The following SIRT3 variants were observed in gnomAD, a reference collection of about 807,000 sequenced individuals.
SIRT3 encodes NAD-dependent protein deacetylase sirtuin-3, mitochondrial.
SIRT3 carries 26 observed loss-of-function variants against 33.5 expected under a neutral mutation model. That is an observed-to-expected ratio of 0.78 (90% CI 0.57 to 1.08). The LOEUF (loss-of-function observed/expected upper bound fraction) is 1.08. SIRT3 is among the 50% of genes least tolerant of loss of function. The pLI is 0.00. For missense variants in SIRT3, 585 were observed against 530.1 expected (o/e 1.10, Z -1.02); for synonymous variants, 237 against 222.1 (o/e 1.07, Z -0.60).
intron 1 of SIRT3, 122 bp downstream of exon 1, chr11:235,926 C>T: frequency 9.1e-7 from 1 of 1,097,674 alleles, no homozygotes; most frequent in Middle Eastern, 2.3e-4. Flanking sequence ...AGACGGAGGC[C>T]CCGGTGTTGG....
At chr11:216,867 G>A in intron 6 of SIRT3, 149 bp from the exon 7 acceptor site, 2 of 884,062 alleles carry the variant, frequency 2.3e-6, no homozygotes, top group Non-Finnish European at 3.7e-6. Context: ...GCTGTGCTGG[G>A]CTAAGAGGAT....
chr11:234,508 A>G (rs1439599677), intron 1 of SIRT3, among the ~76,000 whole-genome samples: 2 of 151,824 alleles, frequency 1.3e-5, no homozygotes, highest in African/African-American at 4.8e-5. Flanking sequence ...TCCGCCTCCC[A>G]GGTTCACGCC....
chr11:220,720 C>T (rs1441315695), intron 5 of SIRT3, among the ~76,000 whole-genome samples: 2 of 152,250 alleles, frequency 1.3e-5, no homozygotes, highest in African/African-American at 4.8e-5. Flanking sequence ...ATTTACCCTT[C>T]AGGAGTTCTT....
chr11:226,597 C>T (rs1319841107), intron 4 of SIRT3, among the ~76,000 whole-genome samples: 16 of 151,076 alleles, frequency 1.1e-4, no homozygotes, highest in Non-Finnish European at 7.4e-5. Context: ...TTAGTAGAGA[C>T]GGGGTTTCAC....
intron 3 of SIRT3, chr11:230,755 A>G (rs1378820802): frequency 2.6e-6 from 1 of 385,586 alleles, no homozygotes. Context: ...AGGGGCACCT[A>G]GCTGGAGCCA....
At position 236,202 on chromosome 11, in the gene SIRT3, T is replaced by C. The variant is rs747301698; in HGVS notation, c.127A>G (p.Arg43Gly). 1.6e-5 allele frequency: 25 copies of C among 1,560,614 alleles called. No individual in the cohort carries two copies. Among genetic ancestry groups the C allele is most frequent in the African/African-American group, 5.5e-5 (4 of 73,244 alleles). ...CTCAGCCCCGCACTCACATCGTCCC[T>C]GCCGCCAAGCACCAGCCGACAGCCG... is the stretch of plus-strand genomic sequence containing the variant. ...ACGCRLVLGG[R>G]DDVSAGLRGS... Residue 43 changes from arginine to glycine, a missense_variant, in exon 1 of 7, where the codon AGG becomes GGG. Coordinates refer to ENST00000382743, the MANE Select transcript of SIRT3 (RefSeq NM_012239.6).
At chr11:222,550 C>G (rs934714565) in intron 5 of SIRT3, 1 of 152,986 alleles carries the variant, frequency 6.5e-6, no homozygotes, top group Non-Finnish European at 1.5e-5. Context: ...TTACCTGGCC[C>G]CCAGCCAGTG....
intron 4 of SIRT3, among the ~76,000 whole-genome samples, chr11:226,265 T>C (rs1857158225): frequency 6.6e-6 from 1 of 152,086 alleles, no homozygotes; most frequent in Non-Finnish European, 1.5e-5. Flanking sequence ...AGCCTAATGG[T>C]GGCTGGGGAG....
Position 233,040 on chromosome 11 carries a change from G to T in SIRT3, c.649C>A (p.His217Asn). ...AGCCGCAGAAGCAGCCCCTTGTCAT[G>T]AAGCAGCCGGAGAAAGTAGTGAGTG... ...NVTHYFLRLL[H>N]DKGLLLRLYT... The change falls in exon 3 of 7, where the codon CAT becomes AAT. Residue 217 changes from histidine (H) to asparagine (N), a missense_variant. Transcript: ENST00000382743. The T allele has an allele frequency of 1.2e-6, 2 of 1,613,958 alleles. No homozygotes were observed. Among genetic ancestry groups the T allele is most frequent in the Non-Finnish European group, 8.5e-7 (1 of 1,179,964 alleles).
chr11:224,174 A>C lies in SIRT3; in HGVS notation c.873T>G (p.Ile291Met). The change falls in exon 5 of 7, where the codon ATT becomes ATG. Residue 291 changes from isoleucine (I) to methionine (M), a missense_variant. Coordinates refer to ENST00000382743, the MANE Select transcript of SIRT3 (RefSeq NM_012239.6). ...PVCTGVVKPD[I>M]VFFGEPLPQR... ...GGGGCAGCGGCTCCCCAAAGAACAC[A>C]ATGTCGGGCTTCACAACGCCGGTGC... The C allele has an allele frequency of 6.2e-7, 1 of 1,614,160 alleles. No homozygotes were observed. The highest frequency in any genetic ancestry group is 8.5e-7 in the Non-Finnish European group (1 of 1,180,030).
intron 4 of SIRT3, chr11:225,973 A>C (rs1329913845): frequency 2.6e-5 from 4 of 152,252 alleles, no homozygotes; most frequent in African/African-American, 9.6e-5. Context: ...AGAGGTTCTC[A>C]GGAGGTTTAG....
chr11:236,356 G>C (rs746607717), upstream of SIRT3: 3 of 1,179,898 alleles, frequency 2.5e-6, no homozygotes, highest in Admixed American at 1.2e-4. Context: ...GAGTCCTCCG[G>C]ACTCGCCCCG....
At position 236,141 on chromosome 11, in the gene SIRT3, G is replaced by C; in HGVS notation, c.188C>G (p.Pro63Arg). 2.5e-6 allele frequency: 4 copies of C among 1,572,956 alleles called. No individual in the cohort carries two copies. The change falls in exon 1 of 7, where the codon CCG (proline) becomes CGG (arginine). Residue 63 changes from proline to arginine, a missense_variant. By Grantham distance (103) the Pro-to-Arg change is moderately radical. Coordinates refer to ENST00000382743, the MANE Select transcript of SIRT3 (RefSeq NM_012239.6). ...SHGARGEPLD[P>R]ARPLQRPPRP... ...GGGAGGCCTCTGCAAGGGGCGCGCC[G>C]GGTCCAAGGGCTCACCGCGGGCCCC...
intron 4 of SIRT3, 130 bp from the exon 5 acceptor site, chr11:224,369 A>C: frequency 2.1e-6 from 2 of 936,626 alleles, no homozygotes; most frequent in Non-Finnish European, 3.2e-6. Flanking sequence ...ATGAACCCCC[A>C]TGTACCCAGC....
intron 4 of SIRT3, 90 bp from the exon 5 acceptor site, chr11:224,329 T>C: frequency 7.3e-7 from 1 of 1,377,996 alleles, no homozygotes; most frequent in Non-Finnish European, 9.8e-7. Context: ...GTCTCAAACA[T>C]TCTCCCCCAA....
chr11:216,950 A>G (rs1331489414), intron 6 of SIRT3, among the ~76,000 whole-genome samples: 2 of 152,236 alleles, frequency 1.3e-5, no homozygotes, highest in African/African-American at 4.8e-5. Context: ...TACCCAAATC[A>G]ATATGTACTG....
intron 4 of SIRT3, 105 bp from the exon 5 acceptor site, chr11:224,344 G>C: frequency 8.1e-7 from 1 of 1,237,790 alleles, no homozygotes; most frequent in South Asian, 1.5e-5. Flanking sequence ...CCCCAAAAAA[G>C]GTGAGAGAGG....
rs533628801 is a variant in SIRT3 at position 230,771 on chromosome 11, C to T, written c.707-219G>A. On this transcript the variant is annotated intron_variant, in intron 3 of 6. Coordinates refer to ENST00000382743, the MANE Select transcript of SIRT3 (RefSeq NM_012239.6). ...GGGGCACCTAGCTGGAGCCAAATCA[C>T]GGTTAAAACAAAGCCTGTCAAAACT... 10 of 373,176 alleles carry T rather than the reference C, an allele frequency of 2.7e-5. No individual in the cohort carries two copies. The East Asian group carries it at 2.7e-4, about 10-fold the overall frequency. The allele number at this position is 373,176 out of a possible 1,614,324, so 23.1% of individuals were successfully genotyped here.
At position 230,515 on chromosome 11, in the gene SIRT3, A is replaced by G; in HGVS notation, c.744T>C (p.His248=). The G allele has an allele frequency of 6.5e-7, 1 of 1,538,180 alleles. No homozygotes were observed. Among genetic ancestry groups the G allele is most frequent in the South Asian group, 1.2e-5 (1 of 81,162 alleles). The change falls in exon 4 of 7, where the codon CAT becomes CAC. Residue 248 remains histidine, a synonymous_variant. Coordinates refer to ENST00000382743, the MANE Select transcript of SIRT3 (RefSeq NM_012239.6). Reference sequence around the variant, plus strand: ...TGCAGGTGGCAGAGGCAAAGGTTCCATGAGCTTCAACCAGCTTTGAGGCAG... The same window carrying G: ...TGCAGGTGGCAGAGGCAAAGGTTCCGTGAGCTTCAACCAGCTTTGAGGCAG... ...GIPASKLVEA[H]GTFASATCTV...
Sources: allele counts gnomAD v4.1 joint callset (sites outside exome capture counted in the v4.1 genomes callset), GRCh38; gene constraint gnomAD v4.1.1; transcripts MANE v1.5; gene names NCBI Gene and HGNC (gene_info 2026-07-23, HGNC 2026-07-21).